PHEX: variants seen among roughly 807,000 people sequenced by gnomAD.
The protein encoded by PHEX is phosphate regulating endopeptidase X-linked.
In PHEX, 16 loss-of-function variants were observed where a neutral mutation model predicts 68.0. That is an observed-to-expected ratio of 0.24 (90% CI 0.16 to 0.36). The LOEUF (loss-of-function observed/expected upper bound fraction) is 0.36, where lower values mean the gene tolerates loss of function less well. Ranked by LOEUF, PHEX falls within the 10% of genes least tolerant of loss-of-function variation. The pLI, the probability that PHEX is intolerant of heterozygous loss-of-function variation, is 1.00. For missense variants in PHEX, 480 were observed against 575.5 expected (o/e 0.83, Z 1.70); for synonymous variants, 208 against 205.1 (o/e 1.01, Z -0.12).
intron 1 of PHEX, among the ~76,000 whole-genome samples, chrX:22,033,903 T>G (rs778768046): frequency 8.9e-6 from 1 of 112,208 alleles, no homozygotes; most frequent in African/African-American, 3.2e-5. Context: ...CCCATAATAC[T>G]TCATTAACTT....
chrX:22,234,194 C>T (rs1457789104), intron 20 of PHEX, among the ~76,000 whole-genome samples: 1 of 112,839 alleles, frequency 8.9e-6, no homozygotes, highest in Non-Finnish European at 1.9e-5. Context: ...TGCCAGATGC[C>T]AGCCAGAGCT....
intron 5 of PHEX, among the ~76,000 whole-genome samples, chrX:22,079,555 A>T (rs1929297741): frequency 9.0e-6 from 1 of 111,547 alleles, no homozygotes; most frequent in South Asian, 3.7e-4. Context: ...AACATCTAAT[A>T]ACTAGTTAAT....
chrX:22,077,871 C>A lies in PHEX; in HGVS notation c.663+169C>A, dbSNP rs374359619. On this transcript the variant is annotated intron_variant, in intron 5 of 21. Transcript: ENST00000379374. ...TTCTCCCGGCTTTGCAGAATGTAGA[C>A]CATTACCATACAAGTTTTGTAAGCC... Among the ~76,000 whole-genome samples, 16 of 111,985 alleles carry A rather than the reference C, an allele frequency of 1.4e-4. No homozygotes were observed. The East Asian group carries it at 2.0e-3, about 14-fold the overall frequency.
chrX:22,136,119 A>C (rs1022313140), intron 12 of PHEX, among the ~76,000 whole-genome samples: 2 of 109,390 alleles, frequency 1.8e-5, no homozygotes, highest in African/African-American at 3.3e-5. Flanking sequence ...TGGTACTCAC[A>C]AAGAACACTA....
chrX:22,097,717 T>G, intron 8 of PHEX: 1 of 724,403 alleles, frequency 1.4e-6, no homozygotes, highest in Non-Finnish European at 1.6e-6. Context: ...ATATGGTGTT[T>G]TAGGTAGGAT....
At chrX:22,145,183 T>C (rs751222650) in intron 12 of PHEX, among the ~76,000 whole-genome samples, 19 of 112,023 alleles carry the variant, frequency 1.7e-4, no homozygotes, top group Non-Finnish European at 3.2e-4. Flanking sequence ...TTCTTACCAT[T>C]CCTCATGCAG....
intron 20 of PHEX, among the ~76,000 whole-genome samples, chrX:22,229,782 T>C (rs1935648025): frequency 8.9e-6 from 1 of 112,425 alleles, no homozygotes; most frequent in Non-Finnish European, 1.9e-5. Context: ...TTGTTGCCAT[T>C]GCTTTTGGTG....
rs1157647777 is a variant in PHEX, at chrX:22,178,372, A to G, written c.1582A>G (p.Thr528Ala). Reference sequence around the variant, plus strand: ...CTGGCTAAGAAAAGCCGTTCCAAAAACAGAGTGAGTATTAAACAAAAAAAG... The same window carrying G: ...CTGGCTAAGAAAAGCCGTTCCAAAAGCAGAGTGAGTATTAAACAAAAAAAG... Reference protein sequence around the residue: ...FFWLRKAVPKTEWFTNPTTVN... With the variant: ...FFWLRKAVPKAEWFTNPTTVN... Residue 528 changes from threonine (T) to alanine (A), a missense_variant, in exon 14 of 22, where the codon ACA becomes GCA. Coordinates refer to ENST00000379374, the MANE Select transcript of PHEX (RefSeq NM_000444.6). 3 of 1,148,441 alleles carry G rather than the reference A, an allele frequency of 2.6e-6. No individual in the cohort carries two copies. Among genetic ancestry groups the G allele is most frequent in the East Asian group, 3.0e-5 (1 of 33,081 alleles). The allele number at this position is 1,148,441 out of a possible 1,213,427, so 94.6% of individuals were successfully genotyped here. A position where few individuals can be genotyped will look rare whatever the true frequency, so the allele number is the denominator to read the frequency against.
At chrX:22,100,684 C>T (rs1569392153) in intron 9 of PHEX, among the ~76,000 whole-genome samples, 1 of 111,345 alleles carries the variant, frequency 9.0e-6, no homozygotes, top group African/African-American at 3.3e-5. Context: ...GCATCTCTAT[C>T]GTGATGATTT....
intron 11 of PHEX, among the ~76,000 whole-genome samples, chrX:22,117,121 A>G: frequency 8.9e-6 from 1 of 112,444 alleles, no homozygotes; most frequent in Admixed American, 9.4e-5. Flanking sequence ...TTAATCATTT[A>G]TGTCTTTCGA....
At chrX:22,237,302 G>C (rs189499862) in intron 20 of PHEX, among the ~76,000 whole-genome samples, 1 of 111,843 alleles carries the variant, frequency 8.9e-6, no homozygotes, top group Non-Finnish European at 1.9e-5. Context: ...TCAAGGGATC[G>C]CATTACAAAA....
At chrX:22,111,134 T>C (rs1482777980) in intron 9 of PHEX, among the ~76,000 whole-genome samples, 1 of 112,349 alleles carries the variant, frequency 8.9e-6, no homozygotes, top group Non-Finnish European at 1.9e-5. Context: ...GAGGATCTGC[T>C]GTAATTTGAA....
rs146586169 is a variant in PHEX, at chrX:22,096,252, A to G, written c.850-703A>G. On this transcript the variant is annotated intron_variant, in intron 7 of 21. Transcript: ENST00000379374. ...GTGATTAAGATGATCCTTGAGGAAGATAATCATTGCTGCTGTTCTTAGGTT... is the reference window on the plus strand; with the variant it reads ...GTGATTAAGATGATCCTTGAGGAAGGTAATCATTGCTGCTGTTCTTAGGTT... 1.2e-3 allele frequency among the ~76,000 whole-genome samples: 134 copies of G among 112,759 alleles called. 1 individual carries two copies. Among genetic ancestry groups the G allele is most frequent in the African/African-American group, 4.0e-3 (123 of 31,066 alleles).
chrX:22,111,483 T>A lies in PHEX; in HGVS notation c.1096T>A (p.Leu366Met). ...SERKKTIANY[L>M]VWRMVYSRIP... ...TGTTAACAGGACCATTGCCAACTAT[T>A]TGGTGTGGAGAATGGTTTATTCCAG... The change falls in exon 10 of 22, where the codon TTG (leucine) becomes ATG (methionine). Residue 366 changes from leucine to methionine, a missense_variant. Transcript: ENST00000379374. 1 of 1,206,791 alleles carries A rather than the reference T, an allele frequency of 8.3e-7. No individual in the cohort carries two copies. The highest frequency in any genetic ancestry group is 1.1e-6 in the Non-Finnish European group (1 of 890,779).
At chrX:22,168,227 A>G in intron 12 of PHEX, 85 bp from the exon 13 acceptor site, 1 of 713,719 alleles carries the variant, frequency 1.4e-6, no homozygotes. Context: ...GAGTTTTCAG[A>G]TGAAGGGCGC....
intron 11 of PHEX, 76 bp downstream of exon 11, chrX:22,114,662 A>G: frequency 1.1e-6 from 1 of 908,397 alleles, no homozygotes; most frequent in Non-Finnish European, 1.6e-6. Flanking sequence ...CAACAGGCTA[A>G]TGTCAGCCTT....
intron 9 of PHEX, among the ~76,000 whole-genome samples, chrX:22,100,562 G>A (rs1287300960): frequency 1.8e-5 from 2 of 111,581 alleles, no homozygotes; most frequent in East Asian, 2.8e-4. Flanking sequence ...GTTTCTTCTA[G>A]TATCTGTGTT....
chrX:22,104,151 GT>G (rs1044843000), intron 9 of PHEX, among the ~76,000 whole-genome samples: 2 of 111,755 alleles, frequency 1.8e-5, no homozygotes, highest in Non-Finnish European at 3.8e-5. Flanking sequence ...GGGATTGTTT[GT>G]TTTTTTCTTT....
chrX:22,144,773 A>G (rs1339471572), intron 12 of PHEX, among the ~76,000 whole-genome samples: 1 of 109,349 alleles, frequency 9.1e-6, no homozygotes, highest in East Asian at 2.8e-4. Flanking sequence ...GGTTGATTTG[A>G]ATCAGTATCC....
Sources: allele counts gnomAD v4.1 joint callset (sites outside exome capture counted in the v4.1 genomes callset), GRCh38; gene constraint gnomAD v4.1.1; transcripts MANE v1.5; gene names NCBI Gene and HGNC (gene_info 2026-07-23, HGNC 2026-07-21).